The following NEGR1 variants were observed in gnomAD, a reference collection of about 807,000 sequenced individuals.
NEGR1 encodes neuronal growth regulator 1.
Under a neutral mutation model 40.9 loss-of-function variants are expected in NEGR1, and 10 were observed. That is an observed-to-expected ratio of 0.24 (90% confidence interval 0.15 to 0.42). NEGR1 has a LOEUF of 0.42. Among genes scored for constraint, NEGR1 ranks in the 10% least tolerant of loss-of-function variants. The probability of loss-of-function intolerance (pLI) is 1.00; values close to 1 mark genes in which losing one functional copy is unlikely to be tolerated. For missense variants in NEGR1, 352 were observed against 438.9 expected, an observed-to-expected ratio of 0.80 and a Z score of 1.77; for synonymous variants, 185 against 166.8, an observed-to-expected ratio of 1.11 and a Z score of -0.84.
intron 3 of NEGR1, among the ~76,000 whole-genome samples, chr1:71,725,771 C>T (rs1014891419): frequency 3.8e-4 from 58 of 152,126 alleles, no homozygotes; most frequent in African/African-American, 1.4e-3. Context: ...CTGTTTGATA[C>T]ACACTTGGAT....
chr1:71,647,127 G>GT (rs1365698941), intron 4 of NEGR1, among the ~76,000 whole-genome samples: 1 of 151,704 alleles, frequency 6.6e-6, no homozygotes, highest in African/African-American at 2.4e-5. Context: ...TGGCCCTAAA[G>GT]TGTTCAGGGC....
At chr1:71,660,389 C>A (rs1652016491) in intron 4 of NEGR1, among the ~76,000 whole-genome samples, 1 of 151,856 alleles carries the variant, frequency 6.6e-6, no homozygotes, top group Non-Finnish European at 1.5e-5. Context: ...GAGCTTAATA[C>A]CTGGGTGATG....
At chr1:71,818,839 C>A (rs114706124) in intron 2 of NEGR1, among the ~76,000 whole-genome samples, 1 of 151,772 alleles carries the variant, frequency 6.6e-6, no homozygotes, top group African/African-American at 2.4e-5. Context: ...TAATAAAACA[C>A]GACATCCATA....
Position 71,616,168 on chromosome 1 carries a change from G to A in NEGR1, c.668-5022C>T, listed in dbSNP as rs141142937. ...GTCTTATGAATCTTTTATTGCAGGG[G>A]TCTGTTAGGAACCGGGCCTGTTAGG... On this transcript the variant is annotated intron_variant, in intron 4 of 6. Coordinates refer to ENST00000357731, the MANE Select transcript of NEGR1 (RefSeq NM_173808.3). Among the ~76,000 whole-genome samples, 1,129 of 152,278 alleles carry A rather than the reference G, an allele frequency of 7.4e-3. 10 individuals are homozygous for A. Among genetic ancestry groups the A allele is most frequent in the African/African-American group, 0.026 (1,070 of 41,558 alleles).
chr1:71,689,766 G>T (rs543212467), intron 4 of NEGR1, among the ~76,000 whole-genome samples: 1 of 150,336 alleles, frequency 6.7e-6, no homozygotes, highest in African/African-American at 2.4e-5. Context: ...GAGAGGAAAC[G>T]AATAATATGG....
At chr1:72,097,065 A>G (rs1185138664) in intron 1 of NEGR1, among the ~76,000 whole-genome samples, 2 of 152,196 alleles carry the variant, frequency 1.3e-5, no homozygotes, top group East Asian at 3.8e-4. Context: ...ATAAAATTTT[A>G]TAAAGTCTTA....
intron 3 of NEGR1, among the ~76,000 whole-genome samples, chr1:71,717,303 C>G (rs1274798128): frequency 2.0e-5 from 3 of 152,228 alleles, no homozygotes; most frequent in Non-Finnish European, 4.4e-5. Flanking sequence ...TACATGTCCT[C>G]TATGCCTGTA....
intron 2 of NEGR1, among the ~76,000 whole-genome samples, chr1:71,845,198 ATTT>A (rs555688946): frequency 6.6e-6 from 1 of 152,066 alleles, no homozygotes; most frequent in Non-Finnish European, 1.5e-5. Flanking sequence ...GTGTAGCTTA[ATTT>A]TTGTTTTTAT....
At chr1:71,442,763 T>C (rs1052450742) in intron 6 of NEGR1, among the ~76,000 whole-genome samples, 1 of 152,224 alleles carries the variant, frequency 6.6e-6, no homozygotes, top group Non-Finnish European at 1.5e-5. Flanking sequence ...GTGAGTGTAA[T>C]TCTGAGACAA....
At chr1:71,990,917 T>C (rs1048603905) in intron 1 of NEGR1, among the ~76,000 whole-genome samples, 1 of 131,480 alleles carries the variant, frequency 7.6e-6, no homozygotes, top group Non-Finnish European at 1.6e-5. Context: ...TATATATATA[T>C]ATTTTTTTTT....
intron 6 of NEGR1, among the ~76,000 whole-genome samples, chr1:71,579,321 C>G (rs945279892): frequency 9.2e-5 from 14 of 152,010 alleles, no homozygotes; most frequent in Non-Finnish European, 1.5e-4. Context: ...TTGCCAAACC[C>G]CTTTTCAAAA....
intron 3 of NEGR1, among the ~76,000 whole-genome samples, chr1:71,724,137 C>A (rs1329511634): frequency 6.6e-6 from 1 of 152,236 alleles, no homozygotes; most frequent in East Asian, 1.9e-4. Context: ...TGTCCCACAG[C>A]TTACTGATGC....
intron 4 of NEGR1, among the ~76,000 whole-genome samples, chr1:71,671,869 A>C (rs1183443505): frequency 1.4e-5 from 2 of 143,426 alleles, no homozygotes; most frequent in Non-Finnish European, 3.0e-5. Context: ...TTGAAGGCAT[A>C]TTTTATTTCT....
chr1:71,630,835 G>A (rs1273528878), intron 4 of NEGR1, among the ~76,000 whole-genome samples: 2 of 151,842 alleles, frequency 1.3e-5, no homozygotes, highest in Middle Eastern at 3.2e-3. Context: ...TAAAACACTA[G>A]GTAGAACAGG....
intron 2 of NEGR1, among the ~76,000 whole-genome samples, chr1:71,857,188 T>C (rs1291244633): frequency 6.6e-6 from 1 of 151,996 alleles, no homozygotes; most frequent in African/African-American, 2.4e-5. Flanking sequence ...ATAGACTTCA[T>C]TGCTGTAAAA....
At chr1:72,211,319 GAGCCTTTATAA>G (rs1198422687) in intron 1 of NEGR1, among the ~76,000 whole-genome samples, 2 of 151,518 alleles carry the variant, frequency 1.3e-5, no homozygotes, top group African/African-American at 2.4e-5. Flanking sequence ...CTTTAAAAAG[GAGCCTTTATAA>G]AGCCTTTATA....
intron 1 of NEGR1, among the ~76,000 whole-genome samples, chr1:72,135,284 G>A (rs1206362809): frequency 1.3e-5 from 2 of 149,642 alleles, no homozygotes; most frequent in Non-Finnish European, 3.0e-5. Flanking sequence ...GCTGAGGCAG[G>A]AGAAAGGTGT....
intron 2 of NEGR1, among the ~76,000 whole-genome samples, chr1:71,804,633 C>T (rs1030083972): frequency 2.1e-4 from 32 of 152,178 alleles, no homozygotes; most frequent in Non-Finnish European, 4.1e-4. Context: ...GGACACTTAT[C>T]ACTTCCCCAG....
intron 2 of NEGR1, among the ~76,000 whole-genome samples, chr1:71,846,622 G>C (rs367567964): frequency 4.3e-4 from 65 of 152,096 alleles, no homozygotes; most frequent in African/African-American, 1.4e-3. Context: ...CCTATATATT[G>C]TCTTAGTCCA....
Sources: gnomAD v4.1 joint callset for allele counts (sites outside exome capture counted in the v4.1 genomes callset) on GRCh38, gnomAD v4.1.1 for gene constraint, MANE v1.5 for transcripts, NCBI Gene and HGNC (gene_info 2026-07-23, HGNC 2026-07-21) for gene names.